ZNF423: variants seen among roughly 807,000 people sequenced by gnomAD.
The protein encoded by ZNF423 is zinc finger protein 423.
A neutral mutation model predicts 95.8 loss-of-function variants in ZNF423; 12 were observed. The ratio of observed to expected loss-of-function variants is 0.13; its 90% CI spans 0.08 to 0.20. The LOEUF is 0.20. Among genes scored for constraint, ZNF423 ranks in the 10% least tolerant of loss-of-function variants. The pLI is 1.00. For missense variants in ZNF423, 1,316 were observed against 1,737.1 expected (o/e 0.76, Z 4.31); for synonymous variants, 749 against 711.9 (o/e 1.05, Z -0.83).
intron 1 of ZNF423, among the ~76,000 whole-genome samples, chr16:49,817,351 A>T (rs2034871886): frequency 6.6e-6 from 1 of 152,344 alleles, no homozygotes; most frequent in East Asian, 1.9e-4. Flanking sequence ...GTCTTTCCCC[A>T]AAAGGCATTT....
At chr16:49,520,613 G>A (rs760456536) in intron 7 of ZNF423, among the ~76,000 whole-genome samples, 12 of 152,090 alleles carry the variant, frequency 7.9e-5, no homozygotes, top group Non-Finnish European at 1.5e-4. Flanking sequence ...TGGAATTTCC[G>A]TGCATAACCT....
intron 5 of ZNF423, among the ~76,000 whole-genome samples, chr16:49,570,226 G>A (rs1051305979): frequency 3.9e-5 from 6 of 152,170 alleles, no homozygotes; most frequent in Admixed American, 2.6e-4. Flanking sequence ...CCATGCCATC[G>A]TGACCCTTTA....
chr16:49,661,996 C>G (rs1260623687), intron 3 of ZNF423, among the ~76,000 whole-genome samples: 1 of 152,214 alleles, frequency 6.6e-6, no homozygotes, highest in Non-Finnish European at 1.5e-5. Flanking sequence ...ATGGCACATG[C>G]TCAATGAACA....
intron 3 of ZNF423, among the ~76,000 whole-genome samples, chr16:49,696,529 A>G (rs924829489): frequency 6.6e-6 from 1 of 152,112 alleles, no homozygotes; most frequent in African/African-American, 2.4e-5. Context: ...GCTTTGGGAG[A>G]AGGAGGCCCA....
chr16:49,700,946 G>A (rs983368601), intron 3 of ZNF423, among the ~76,000 whole-genome samples: 3 of 152,136 alleles, frequency 2.0e-5, no homozygotes, highest in African/African-American at 7.2e-5. Context: ...GCAGAGGAGG[G>A]AGGAGAAGGG....
At chr16:49,849,206 C>T (rs1414964088) in intron 1 of ZNF423, among the ~76,000 whole-genome samples, 1 of 152,130 alleles carries the variant, frequency 6.6e-6, no homozygotes, top group Admixed American at 6.5e-5. Flanking sequence ...ACATGATTTT[C>T]TTATGAGACC....
At position 49,755,057 on chromosome 16, in the gene ZNF423, T is replaced by C. The variant is rs544095966; in HGVS notation, c.101-24086A>G. Among the ~76,000 whole-genome samples, 3 of 152,262 alleles carry C rather than the reference T, an allele frequency of 2.0e-5. No homozygotes were observed. The East Asian group carries it at 5.8e-4, about 29-fold the overall frequency. ...AGCGGCACGCTCTCCCCTGCCTCCC[T>C]CCTCAGCAGGAGGGGAGGGAGGTGT... On this transcript the variant is annotated intron_variant, in intron 2 of 7. Coordinates refer to ENST00000563137, the MANE Select transcript of ZNF423 (RefSeq NM_001379286.1).
At chr16:49,819,718 G>C (rs1214863063) in intron 1 of ZNF423, among the ~76,000 whole-genome samples, 1 of 152,146 alleles carries the variant, frequency 6.6e-6, no homozygotes, top group Non-Finnish European at 1.5e-5. Flanking sequence ...CAAAGTGCTA[G>C]ATTACAGGAA....
intron 5 of ZNF423, among the ~76,000 whole-genome samples, chr16:49,594,513 C>T (rs955335117): frequency 2.6e-5 from 4 of 152,118 alleles, no homozygotes; most frequent in African/African-American, 9.7e-5. Context: ...AACATACACA[C>T]AACACACAGA....
chr16:49,584,167 T>G (rs1309677846), intron 5 of ZNF423, among the ~76,000 whole-genome samples: 1 of 152,202 alleles, frequency 6.6e-6, no homozygotes, highest in Non-Finnish European at 1.5e-5. Context: ...GAGTTATAGC[T>G]GGTTGGTGCA....
At chr16:49,583,964 C>T (rs887141682) in intron 5 of ZNF423, among the ~76,000 whole-genome samples, 4 of 152,214 alleles carry the variant, frequency 2.6e-5, no homozygotes, top group African/African-American at 9.7e-5. Context: ...CAGTCACAGA[C>T]CCAGCTTGTT....
At chr16:49,587,956 C>A (rs1035221613) in intron 5 of ZNF423, among the ~76,000 whole-genome samples, 5 of 152,178 alleles carry the variant, frequency 3.3e-5, no homozygotes, top group Admixed American at 1.3e-4. Flanking sequence ...ATAACCAGGA[C>A]AGGCAATCAC....
chr16:49,525,331 C>T (rs1968560414), intron 6 of ZNF423, 32 bp downstream of exon 6: 1 of 1,611,668 alleles, frequency 6.2e-7, no homozygotes, highest in Non-Finnish European at 8.5e-7. Flanking sequence ...GTTCATCTCT[C>T]TCCCCTGAGG....
At chr16:49,738,288 A>G (rs1351420694) in intron 2 of ZNF423, among the ~76,000 whole-genome samples, 1 of 152,208 alleles carries the variant, frequency 6.6e-6, no homozygotes, top group African/African-American at 2.4e-5. Context: ...GAGTGATTAG[A>G]TGAATAAATG....
chr16:49,690,904 G>C (rs925484483), intron 3 of ZNF423, among the ~76,000 whole-genome samples: 10 of 152,196 alleles, frequency 6.6e-5, no homozygotes, highest in Non-Finnish European at 1.0e-4. Context: ...AGACAGCCAG[G>C]AGGTCGGTGA....
upstream of ZNF423, chr16:49,857,797 A>T (rs1474482909): frequency 6.6e-6 from 1 of 152,234 alleles, no homozygotes; most frequent in East Asian, 1.9e-4. The surrounding 1 kb of genome is among the most constrained non-coding windows in gnomAD (Gnocchi z 6.2). Context: ...GAAATAAACC[A>T]GCTGCTACTT....
intron 2 of ZNF423, among the ~76,000 whole-genome samples, chr16:49,789,062 G>A (rs1381904652): frequency 1.3e-5 from 2 of 152,224 alleles, no homozygotes; most frequent in East Asian, 3.9e-4. Flanking sequence ...GCTCAGCTCT[G>A]CCAGCCCTGA....
At chr16:49,802,371 T>C (rs2034596217) in intron 1 of ZNF423, among the ~76,000 whole-genome samples, 1 of 152,094 alleles carries the variant, frequency 6.6e-6, no homozygotes, top group Non-Finnish European at 1.5e-5. Context: ...GCACTCAAGG[T>C]CCTTGGGGTG....
rs769657380 is a variant in ZNF423 at position 49,637,531 on chromosome 16, A to C, written c.1645T>G (p.Cys549Gly). The change falls in exon 4 of 8, where the codon TGC becomes GGC. Residue 549 changes from cysteine (C) to glycine (G), a missense_variant. Coordinates refer to ENST00000563137, the MANE Select transcript of ZNF423 (RefSeq NM_001379286.1). The surrounding 1 kb of genome is among the most constrained non-coding windows in gnomAD (Gnocchi z 5.6). ...SLTEHIQQAH[C>G]SVGSAKLESP... is the part of the protein sequence containing the mutation. ...TCTAGTTTGGCACTGCCCACACTGC[A>C]GTGGGCCTGCTGGATGTGCTCGGTG... 2.5e-6 allele frequency: 4 copies of C among 1,613,872 alleles called. No individual in the cohort carries two copies. The Admixed American group carries it at 6.7e-5, about 27-fold the overall frequency.
Sources: allele counts gnomAD v4.1 joint callset (sites outside exome capture counted in the v4.1 genomes callset), GRCh38; gene constraint gnomAD v4.1.1; non-coding constraint Gnocchi (gnomAD v3.1); transcripts MANE v1.5; gene names NCBI Gene and HGNC (gene_info 2026-07-23, HGNC 2026-07-21).